Variants in VPS13C observed in about 807,000 individuals in gnomAD.
The protein encoded by VPS13C is intermembrane lipid transfer protein VPS13C.
VPS13C carries 358 observed loss-of-function variants against 456.8 expected under a neutral mutation model. The ratio of observed to expected loss-of-function variants is 0.78; its 90% CI spans 0.72 to 0.86. The LOEUF (loss-of-function observed/expected upper bound fraction) is 0.86. Among genes scored for constraint, VPS13C ranks in the 40% least tolerant of loss-of-function variants. VPS13C has a pLI of 0.00. For synonymous variants in VPS13C, 1,578 were observed against 1,486.7 expected (o/e 1.06, Z -1.41); for missense variants, 4,818 against 4,385.4 (o/e 1.10, Z -2.79).
intron 81 of VPS13C, chr15:61,866,630 G>A: frequency 1.0e-6 from 1 of 985,094 alleles, no homozygotes; most frequent in Non-Finnish European, 1.2e-6. Flanking sequence ...TTTTGCCAAT[G>A]CTAAATTATC....
chr15:61,955,516 C>T lies in VPS13C; in HGVS notation c.4166-962G>A, dbSNP rs140547838. Among the ~76,000 whole-genome samples the T allele has an allele frequency of 2.6e-5, 4 of 152,244 alleles. No individual in the cohort carries two copies. In the East Asian group the frequency reaches 5.8e-4, roughly 22 times the overall value. ...TACACCAGAATTCCATACAGAAAGC[C>T]GCTAATGTTAATCATTACCTTTGAC... On this transcript the variant is annotated intron_variant, in intron 37 of 84. Coordinates refer to ENST00000644861, the MANE Select transcript of VPS13C (RefSeq NM_020821.3).
rs751812695 is a variant in VPS13C, at chr15:61,934,301, G to C, written c.5786C>G (p.Ser1929Cys). ...EQEDWTDSKL[S>C]MNQIVSLQFD... Reference sequence around the variant, plus strand: ...TTGGAGACTGACAATCTGGTTCATAGAGAGCTTTGAGTCTGTCCAATCTTC... The same window carrying C: ...TTGGAGACTGACAATCTGGTTCATACAGAGCTTTGAGTCTGTCCAATCTTC... Residue 1929 changes from serine (S) to cysteine (C), a missense_variant, in exon 49 of 85, where the codon TCT becomes TGT. Transcript: ENST00000644861. 1.9e-6 allele frequency: 3 copies of C among 1,592,550 alleles called. No individual in the cohort carries two copies. Among genetic ancestry groups the C allele is most frequent in the Admixed American group, 1.7e-5 (1 of 58,444 alleles).
At chr15:61,991,570 A>C in intron 17 of VPS13C, 103 bp downstream of exon 17, 1 of 1,329,080 alleles carries the variant, frequency 7.5e-7, no homozygotes, top group East Asian at 2.4e-5. Flanking sequence ...GAGGTAATTT[A>C]TTTCAAATGT....
chr15:61,982,393 TTTACA>T, intron 21 of VPS13C, 61 bp downstream of exon 21: 2 of 1,188,894 alleles, frequency 1.7e-6, no homozygotes, highest in African/African-American at 1.5e-5. Context: ...GAATACAATG[TTTACA>T]TTAGAGTAGG....
In VPS13C at chr15:61,940,759, A is replaced by G. The variant is rs143258929; in HGVS notation, c.5489T>C (p.Ile1830Thr). Residue 1830 changes from isoleucine to threonine, a missense_variant, in exon 47 of 85, where the codon ATT becomes ACT. Ile to Thr is a moderately conservative substitution (Grantham distance 89). This residue lies in a region of VPS13C where 4,552 missense variants were observed against 4,130.6 expected (regional missense o/e 1.10). Transcript: ENST00000644861. ...CATGTTGACTGGTTTTAAAATTTCA[A>G]TGTCATTTTGTGGCAAGCTAGCCTG... Reference protein sequence around the residue: ...ILQASLPQNDIEILKPVNMLL... With the variant: ...ILQASLPQNDTEILKPVNMLL... 6.1e-5 allele frequency: 99 copies of G among 1,613,456 alleles called. No individual in the cohort carries two copies. In the Admixed American group the frequency reaches 8.5e-4, roughly 14 times the overall value.
chr15:61,934,369 T>C (rs373375229), intron 48 of VPS13C, 38 bp from the exon 49 acceptor site: 43 of 1,132,954 alleles, frequency 3.8e-5, no homozygotes, highest in Admixed American at 1.3e-4. Context: ...AGTAGGTACG[T>C]AATTTTATAA....
intron 81 of VPS13C, chr15:61,866,396 A>G (rs959410657): frequency 1.0e-6 from 1 of 983,508 alleles, no homozygotes; most frequent in East Asian, 1.1e-4. Flanking sequence ...AAAAGATATC[A>G]CAAGGAAAAA....
At chr15:61,854,796 G>T (rs1893816156) in intron 84 of VPS13C, 75 bp downstream of exon 84, 2 of 1,297,654 alleles carry the variant, frequency 1.5e-6, no homozygotes, top group Non-Finnish European at 2.1e-6. Context: ...GAGAAATAAT[G>T]GTATTCATTA....
At chr15:61,933,080 A>G (rs186622938) in intron 49 of VPS13C, among the ~76,000 whole-genome samples, 1 of 152,210 alleles carries the variant, frequency 6.6e-6, no homozygotes. Context: ...AAGAGTTTCA[A>G]ATAAAGCAGC....
At chr15:61,921,579 TA>T (rs1372791127) in intron 55 of VPS13C, among the ~76,000 whole-genome samples, 1 of 152,040 alleles carries the variant, frequency 6.6e-6, no homozygotes, top group African/African-American at 2.4e-5. Flanking sequence ...CATTTAAAAA[TA>T]AAAATTACAT....
Position 61,919,348 on chromosome 15 carries a change from A to C in VPS13C, c.7579T>G (p.Leu2527Val). Residue 2527 changes from leucine to valine, a missense_variant, in exon 58 of 85, where the codon TTG (leucine) becomes GTG (valine). Transcript: ENST00000644861. ...NPNASHSDSV[L>V]VQIDATEGNK... ...CCTTCAGTTGCATCAATTTGTACCAAGACAGAGTCAGAATGACTGGCATTG... is the reference window on the plus strand; with the variant it reads ...CCTTCAGTTGCATCAATTTGTACCACGACAGAGTCAGAATGACTGGCATTG... 1 of 1,606,318 alleles carries C rather than the reference A, an allele frequency of 6.2e-7. No individual in the cohort carries two copies. The highest frequency in any genetic ancestry group is 8.5e-7 in the Non-Finnish European group (1 of 1,176,764).
chr15:62,057,929 T>G (rs1383532519), intron 1 of VPS13C, among the ~76,000 whole-genome samples: 1 of 152,152 alleles, frequency 6.6e-6, no homozygotes, highest in Non-Finnish European at 1.5e-5. Flanking sequence ...TAAAAGAGAG[T>G]AACATTTGAT....
At chr15:61,998,015 C>G (rs1000879175) in intron 16 of VPS13C, among the ~76,000 whole-genome samples, 2 of 152,182 alleles carry the variant, frequency 1.3e-5, no homozygotes, top group Admixed American at 1.3e-4. Context: ...TCAACTCCCA[C>G]GAGCAGCCCT....
At chr15:61,884,328 T>C in intron 67 of VPS13C, 59 bp from the exon 68 acceptor site, 1 of 1,519,800 alleles carries the variant, frequency 6.6e-7, no homozygotes, top group Non-Finnish European at 8.9e-7. Flanking sequence ...TGTGGAACTT[T>C]ATTCAACTCC....
chr15:61,899,913 C>T lies in VPS13C; in HGVS notation c.9105+7351G>A, dbSNP rs557536277. ...GCAGCACATCAAAAAGCTTATCCAC[C>T]ATGATCAAGTGGGCTTCATCCCTGG... is the stretch of plus-strand genomic sequence containing the variant. On this transcript the variant is annotated intron_variant, in intron 66 of 84. Coordinates refer to ENST00000644861, the MANE Select transcript of VPS13C (RefSeq NM_020821.3). Among the ~76,000 whole-genome samples the T allele has an allele frequency of 2.1e-3, 312 of 152,052 alleles. 3 individuals are homozygous for T. Among genetic ancestry groups the T allele is most frequent in the African/African-American group, 7.3e-3 (301 of 41,468 alleles).
chr15:61,867,022 AGAG>A lies in VPS13C; in HGVS notation c.10863+1634_10863+1636del. ...GAAACATAACTTATGTTGAGAATTA[AGAG>A]GATACTAATTTCAAAAATAATGATT... On this transcript the variant is annotated intron_variant, in intron 81 of 84. Transcript: ENST00000644861. The surrounding 1 kb of genome is among the most constrained non-coding windows in gnomAD (Gnocchi z 5.0). The A allele has an allele frequency of 1.1e-6, 1 of 921,698 alleles. No individual in the cohort carries two copies. The highest frequency in any genetic ancestry group is 1.3e-6 in the Non-Finnish European group (1 of 771,736). The allele number at this position is 921,698 out of a possible 1,614,324, so 57.1% of individuals were successfully genotyped here. A position where few individuals can be genotyped will look rare whatever the true frequency, so the allele number is the denominator to read the frequency against.
At position 61,878,602 on chromosome 15, in the gene VPS13C, C is replaced by T; in HGVS notation, c.10142+5G>A. 6.2e-7 allele frequency: 1 copy of T among 1,606,332 alleles called. No individual in the cohort carries two copies. Among genetic ancestry groups the T allele is most frequent in the Non-Finnish European group, 8.5e-7 (1 of 1,177,254 alleles). On this transcript the variant is annotated splice_donor_5th_base_variant and intron_variant, in intron 74 of 84. Transcript: ENST00000644861. The stretch of plus-strand genomic sequence containing the variant: ...CTTCTCAATGTACTCTAACAGAAGT[C>T]TTACTTGAATATAAGGTCATCCACA...
intron 66 of VPS13C, among the ~76,000 whole-genome samples, chr15:61,895,121 A>G (rs2042768207): frequency 6.6e-6 from 1 of 152,236 alleles, no homozygotes; most frequent in South Asian, 2.1e-4. Flanking sequence ...CAATAAGTCA[A>G]TGAAGAAATT....
At chr15:61,966,760 T>G (rs1016280559) in intron 29 of VPS13C, among the ~76,000 whole-genome samples, 5 of 151,968 alleles carry the variant, frequency 3.3e-5, no homozygotes, top group African/African-American at 1.2e-4. Flanking sequence ...CATTATATTC[T>G]AATCATTATT....
Sources: gnomAD v4.1 joint callset for allele counts (sites outside exome capture counted in the v4.1 genomes callset) on GRCh38, gnomAD v4.1.1 for gene constraint, gnomAD v4.1.1 regional missense constraint, Gnocchi (gnomAD v3.1) non-coding constraint, MANE v1.5 for transcripts, NCBI Gene and HGNC (gene_info 2026-07-23, HGNC 2026-07-21) for gene names.